Variants in SPMIP4 observed in about 807,000 individuals in gnomAD.
SPMIP4 encodes sperm microtubule inner protein 4.
the SPMIP4 span, among the ~76,000 whole-genome samples, chr7:25,154,094 T>C: frequency 2.6e-5 from 4 of 152,230 alleles, no homozygotes; most frequent in African/African-American, 4.8e-5. Context: ...TCCAGAATTC[T>C]ACTCATGCAG....
At chr7:25,169,670 G>C in the SPMIP4 span, among the ~76,000 whole-genome samples, 1 of 152,078 alleles carries the variant, frequency 6.6e-6, no homozygotes, top group Non-Finnish European at 1.5e-5. Flanking sequence ...TCACCTCAGG[G>C]TTCAAGTGAT....
At chr7:25,128,111 C>T in the SPMIP4 span, among the ~76,000 whole-genome samples, 8 of 152,344 alleles carry the variant, frequency 5.3e-5, no homozygotes, top group African/African-American at 1.7e-4. This position sits in a 1 kb window ranked among gnomAD's most constrained non-coding sequence, Gnocchi z 4.5. Flanking sequence ...GACACAAGCA[C>T]CCTTGTGGCT....
chr7:25,174,723 T>C, the SPMIP4 span, among the ~76,000 whole-genome samples: 1 of 152,184 alleles, frequency 6.6e-6, no homozygotes, highest in Non-Finnish European at 1.5e-5. This position sits in a 1 kb window ranked among gnomAD's most constrained non-coding sequence, Gnocchi z 4.5. Context: ...ATGGATATGT[T>C]TGTTTGCCCT....
chr7:25,176,848 G>C, the SPMIP4 span, among the ~76,000 whole-genome samples: 14 of 152,214 alleles, frequency 9.2e-5, no homozygotes, highest in African/African-American at 3.4e-4. This position sits in a 1 kb window ranked among gnomAD's most constrained non-coding sequence, Gnocchi z 4.4. Flanking sequence ...AGTATAAAGA[G>C]CATGTTTGTA....
chr7:25,179,411 C>G, the SPMIP4 span: 2 of 1,289,240 alleles, frequency 1.6e-6, no homozygotes, highest in Non-Finnish European at 2.1e-6. Flanking sequence ...CTAAATTGTT[C>G]AACCTGACGC....
chr7:25,171,130 T>C, the SPMIP4 span, among the ~76,000 whole-genome samples: 1 of 152,336 alleles, frequency 6.6e-6, no homozygotes, highest in South Asian at 2.1e-4. Context: ...CCTTGTAAGT[T>C]AATCATGTCT....
chr7:25,134,935 T>C, the SPMIP4 span: 1 of 985,436 alleles, frequency 1.0e-6, no homozygotes, highest in East Asian at 1.1e-4. Flanking sequence ...TAACTAGTGC[T>C]GTACAGAATG....
the SPMIP4 span, chr7:25,136,943 C>G: frequency 1.3e-6 from 1 of 779,670 alleles, no homozygotes; most frequent in Non-Finnish European, 2.0e-6. This position sits in a 1 kb window ranked among gnomAD's most constrained non-coding sequence, Gnocchi z 5.7. Context: ...AATTTAAAGA[C>G]ATTGAAATTT....
the SPMIP4 span, chr7:25,179,366 C>T: frequency 6.4e-7 from 1 of 1,568,944 alleles, no homozygotes; most frequent in Non-Finnish European, 8.7e-7. Context: ...TTTGGCTTGT[C>T]GAGTCAAGGC....
At chr7:25,148,165 T>C in the SPMIP4 span, among the ~76,000 whole-genome samples, 1 of 152,204 alleles carries the variant, frequency 6.6e-6, no homozygotes, top group East Asian at 1.9e-4. Context: ...ATGAGTTCCA[T>C]TCTCAGAGAA....
chr7:25,135,964 T>C, the SPMIP4 span: 1 of 1,573,958 alleles, frequency 6.4e-7, no homozygotes, highest in Non-Finnish European at 8.6e-7. Flanking sequence ...AAGGGAAGAA[T>C]GAGTATCTCA....
the SPMIP4 span, among the ~76,000 whole-genome samples, chr7:25,177,265 G>A: frequency 6.6e-6 from 1 of 152,108 alleles, no homozygotes; most frequent in Non-Finnish European, 1.5e-5. Context: ...GATGGATCAC[G>A]AGGTCAGGAG....
chr7:25,141,854 C>T, the SPMIP4 span, among the ~76,000 whole-genome samples: 1 of 152,088 alleles, frequency 6.6e-6, no homozygotes, highest in Non-Finnish European at 1.5e-5. Flanking sequence ...TCTTCTGCCT[C>T]AGCCTCCTGA....
chr7:25,166,767 G>A, the SPMIP4 span, among the ~76,000 whole-genome samples: 19 of 151,964 alleles, frequency 1.3e-4, no homozygotes, highest in South Asian at 2.5e-3. Context: ...GGTGGCACAC[G>A]CCTGTAATCC....
the SPMIP4 span, among the ~76,000 whole-genome samples, chr7:25,154,471 TA>T: frequency 6.6e-6 from 1 of 152,184 alleles, no homozygotes; most frequent in Non-Finnish European, 1.5e-5. Context: ...GGATTCCTGA[TA>T]AAACACATTC....
the SPMIP4 span, among the ~76,000 whole-genome samples, chr7:25,155,952 G>A: frequency 1.3e-5 from 2 of 152,172 alleles, no homozygotes; most frequent in African/African-American, 4.8e-5. Context: ...AAGTGTTTAT[G>A]TGTTGAATTC....
the SPMIP4 span, among the ~76,000 whole-genome samples, chr7:25,175,600 G>C: frequency 6.6e-6 from 1 of 152,134 alleles, no homozygotes; most frequent in African/African-American, 2.4e-5. Context: ...ATTGAAAAAG[G>C]GTGTCCCTTT....
chr7:25,174,216 C>A, the SPMIP4 span, among the ~76,000 whole-genome samples: 1 of 151,826 alleles, frequency 6.6e-6, no homozygotes, highest in East Asian at 1.9e-4. The surrounding 1 kb of genome is among the most constrained non-coding windows in gnomAD (Gnocchi z 4.5). Context: ...CCCTTTCTCT[C>A]TCTCCCTCTT....
At chr7:25,168,381 T>G in the SPMIP4 span, 1 of 1,613,180 alleles carries the variant, frequency 6.2e-7, no homozygotes, top group Non-Finnish European at 8.5e-7. Flanking sequence ...CCTCGGGGAG[T>G]GAAATCGGTA....
Sources: gnomAD v4.1 joint callset for allele counts (sites outside exome capture counted in the v4.1 genomes callset) on GRCh38, gnomAD v4.1.1 for gene constraint, Gnocchi (gnomAD v3.1) non-coding constraint, MANE v1.5 for transcripts, NCBI Gene and HGNC (gene_info 2026-07-23, HGNC 2026-07-21) for gene names.